The following PIEZO2 variants were observed in gnomAD, a reference collection of about 807,000 sequenced individuals.
PIEZO2 encodes the protein piezo-type mechanosensitive ion channel component 2.
A neutral mutation model predicts 337.3 loss-of-function variants in PIEZO2; 172 were observed. The observed-to-expected ratio is 0.51, with a 90% CI of 0.45 to 0.58. The LOEUF (loss-of-function observed/expected upper bound fraction) is 0.58, where lower values mean the gene tolerates loss of function less well. Among genes scored for constraint, PIEZO2 ranks in the 20% least tolerant of loss-of-function variants. The pLI is 0.00. For synonymous variants in PIEZO2, 1,251 were observed against 1,228.5 expected, an observed-to-expected ratio of 1.02 and a Z score of -0.38; for missense variants, 3,028 against 3,391.3, an observed-to-expected ratio of 0.89 and a Z score of 2.66.
chr18:10,935,343 A>AG (rs2032332016), intron 3 of PIEZO2, among the ~76,000 whole-genome samples: 1 of 152,214 alleles, frequency 6.6e-6, no homozygotes, highest in African/African-American at 2.4e-5. Flanking sequence ...CTCAGATTGT[A>AG]ACTGCCCAGA....
rs114785637 is a variant in PIEZO2 at position 10,787,923 on chromosome 18, C to A, written c.2170-739G>T. Reference sequence around the variant, plus strand: ...TTAACTTATTTTAATGAATGAAATTCTTTTAATTAATGAAATATGAAAGCA... The same window carrying A: ...TTAACTTATTTTAATGAATGAAATTATTTTAATTAATGAAATATGAAAGCA... On this transcript the variant is annotated intron_variant, in intron 15 of 55. Coordinates refer to ENST00000674853, the MANE Select transcript of PIEZO2 (RefSeq NM_001378183.1). Among the ~76,000 whole-genome samples, 1,505 of 152,000 alleles carry A rather than the reference C, an allele frequency of 9.9e-3. 31 individuals carry two copies. The highest frequency in any genetic ancestry group is 0.035 in the African/African-American group (1,440 of 41,436).
rs1205336248 is a variant in PIEZO2 at position 10,742,568 on chromosome 18, T to G, written c.4562A>C (p.Glu1521Ala). The G allele has an allele frequency of 2.0e-6, 3 of 1,537,222 alleles. No individual in the cohort carries two copies. Residue 1521 changes from glutamate to alanine, a missense_variant, in exon 32 of 56, where the codon GAG becomes GCG. Glu to Ala is a moderately radical substitution (Grantham distance 107). Transcript: ENST00000674853. Reference protein sequence around the residue: ...ARQQKYKKGKERMLSLTQEPG... With the variant: ...ARQQKYKKGKARMLSLTQEPG... ...CTCCTGGGTCAAGCTCAGCATCCTC[T>G]CCTTACCCTTTTTATATTTCTGTTG...
In PIEZO2 at chr18:11,110,208, T is replaced by C. The variant is rs2039689795; in HGVS notation, c.64+38317A>G. On this transcript the variant is annotated intron_variant, in intron 1 of 55. Transcript: ENST00000674853. This position sits in a 1 kb window ranked among gnomAD's most constrained non-coding sequence, Gnocchi z 4.2. ...GGTGTGATCATAGCTCACTGCATCC[T>C]GGAATTCCTGGCCATCCTTCCACCT... Among the ~76,000 whole-genome samples, 1 of 152,212 alleles carries C rather than the reference T, an allele frequency of 6.6e-6. No homozygotes were observed. The highest frequency in any genetic ancestry group is 2.4e-5 in the African/African-American group (1 of 41,446).
chr18:10,770,167 A>T lies in PIEZO2; in HGVS notation c.2927T>A (p.Ile976Asn). ...ACTTGCCTCTTTCACAGAAACCCAG[A>T]TAATGTAAGAGGAAACGATTTTGAT... ...HIIKIVSSYI[I>N]WVSVKEVSLF... Residue 976 changes from isoleucine (I) to asparagine (N), a missense_variant, in exon 21 of 56, where the codon ATC becomes AAC. Transcript: ENST00000674853. 1 of 1,537,270 alleles carries T rather than the reference A, an allele frequency of 6.5e-7. No homozygotes were observed. Among genetic ancestry groups the T allele is most frequent in the Non-Finnish European group, 8.7e-7 (1 of 1,146,916 alleles).
intron 4 of PIEZO2, among the ~76,000 whole-genome samples, chr18:10,892,832 A>G (rs1443736274): frequency 6.6e-6 from 1 of 152,266 alleles, no homozygotes; most frequent in East Asian, 1.9e-4. Context: ...CTTCATACAA[A>G]TGAAATATTT....
intron 1 of PIEZO2, among the ~76,000 whole-genome samples, chr18:11,145,075 T>C (rs986801568): frequency 1.3e-5 from 2 of 152,206 alleles, no homozygotes; most frequent in Non-Finnish European, 2.9e-5. Flanking sequence ...TTATAATTAT[T>C]AGAGATTGCA....
At chr18:10,829,607 GAATATAAAAATCAA>G (rs1001871978) in intron 7 of PIEZO2, among the ~76,000 whole-genome samples, 8 of 152,026 alleles carry the variant, frequency 5.3e-5, no homozygotes, top group Non-Finnish European at 7.4e-5. Flanking sequence ...TAAACTTACA[GAATATAAAAATCAA>G]CATACAAAAA....
chr18:10,822,736 T>A (rs559317428), intron 7 of PIEZO2, among the ~76,000 whole-genome samples: 5 of 152,308 alleles, frequency 3.3e-5, no homozygotes, highest in East Asian at 3.9e-4. Flanking sequence ...TGCAATTTTG[T>A]GAACGCGTTG....
At chr18:10,720,218 A>T (rs981620356) in intron 36 of PIEZO2, among the ~76,000 whole-genome samples, 1 of 144,020 alleles carries the variant, frequency 6.9e-6, no homozygotes, top group African/African-American at 2.6e-5. Context: ...GTATATATGA[A>T]TATATGTGTG....
At chr18:10,806,253 T>C (rs2039999567) in intron 8 of PIEZO2, among the ~76,000 whole-genome samples, 1 of 151,986 alleles carries the variant, frequency 6.6e-6, no homozygotes, top group Admixed American at 6.6e-5. Context: ...AGCTGTAGGG[T>C]TCCCCGCAGG....
chr18:10,886,363 T>C (rs866070158), intron 4 of PIEZO2, among the ~76,000 whole-genome samples: 72 of 5,950 alleles, frequency 0.012, 16 homozygotes, highest in African/African-American at 0.046. Context: ...CACACACACA[T>C]ATATATGTGT....
Position 10,941,852 on chromosome 18 carries a change from A to G in PIEZO2, c.287-30624T>C, listed in dbSNP as rs541377278. Among the ~76,000 whole-genome samples the G allele has an allele frequency of 5.4e-4, 82 of 152,324 alleles. 1 individual carries two copies. Among genetic ancestry groups the G allele is most frequent in the African/African-American group, 1.6e-3 (67 of 41,584 alleles). Reference sequence around the variant, plus strand: ...GGCTCTGTGTTCCCACCCAAATCTCATCTTGTAGCTCCCATAATTCCCACA... The same window carrying G: ...GGCTCTGTGTTCCCACCCAAATCTCGTCTTGTAGCTCCCATAATTCCCACA... On this transcript the variant is annotated intron_variant, in intron 3 of 55. Transcript: ENST00000674853.
chr18:11,018,213 TGGTG>T lies in PIEZO2; in HGVS notation c.161-38557_161-38554del, dbSNP rs1568299928. 5.7e-5 allele frequency among the ~76,000 whole-genome samples: 8 copies of T among 140,350 alleles called. No individual in the cohort carries two copies. The South Asian group carries it at 1.6e-3, about 28-fold the overall frequency. The allele number at this position is 140,350 out of a possible 152,430, so 92.1% of individuals were successfully genotyped here. On this transcript the variant is annotated intron_variant, in intron 2 of 55. Coordinates refer to ENST00000674853, the MANE Select transcript of PIEZO2 (RefSeq NM_001378183.1). Reference sequence around the variant, plus strand: ...CGCATGGTGGTGGTGGTGGTGGTGGTGGTGGTGGTGTGTGTGTGTGTGTGTGTGT... The same window carrying T: ...CGCATGGTGGTGGTGGTGGTGGTGGTGTGGTGTGTGTGTGTGTGTGTGTGT...
chr18:11,022,867 C>T (rs2036365229), intron 2 of PIEZO2, among the ~76,000 whole-genome samples: 1 of 152,040 alleles, frequency 6.6e-6, no homozygotes, highest in South Asian at 2.1e-4. Context: ...GGCGGTGTGT[C>T]CGGAGTTTGT....
At chr18:11,084,562 C>G (rs1392209060) in intron 1 of PIEZO2, among the ~76,000 whole-genome samples, 1 of 152,164 alleles carries the variant, frequency 6.6e-6, no homozygotes, top group African/African-American at 2.4e-5. Flanking sequence ...CCTCTCTCAT[C>G]CCTCCCGCTT....
intron 33 of PIEZO2, chr18:10,740,488 A>G (rs2144147235): frequency 6.5e-6 from 1 of 153,782 alleles, no homozygotes; most frequent in Non-Finnish European, 1.4e-5. Flanking sequence ...TCATCTTTCT[A>G]TTTAATAAAT....
At chr18:10,991,652 C>G (rs1372029566) in intron 2 of PIEZO2, among the ~76,000 whole-genome samples, 1 of 152,058 alleles carries the variant, frequency 6.6e-6, no homozygotes, top group African/African-American at 2.4e-5. Flanking sequence ...GGGTTGGTTC[C>G]AAGTCTTTGT....
intron 45 of PIEZO2, 82 bp from the exon 46 acceptor site, chr18:10,696,621 G>T: frequency 1.4e-6 from 2 of 1,480,878 alleles, no homozygotes; most frequent in Non-Finnish European, 1.9e-6. Flanking sequence ...CTGCCATCAT[G>T]CCACTCCTCT....
At chr18:10,825,986 A>G (rs2040665201) in intron 7 of PIEZO2, among the ~76,000 whole-genome samples, 1 of 152,180 alleles carries the variant, frequency 6.6e-6, no homozygotes, top group Non-Finnish European at 1.5e-5. Context: ...TATTCATTCA[A>G]TCATTTACTT....
Sources: gnomAD v4.1 joint callset for allele counts (sites outside exome capture counted in the v4.1 genomes callset) on GRCh38, gnomAD v4.1.1 for gene constraint, Gnocchi (gnomAD v3.1) non-coding constraint, MANE v1.5 for transcripts, NCBI Gene and HGNC (gene_info 2026-07-23, HGNC 2026-07-21) for gene names.